Variants in RASGRF1 observed in about 807,000 individuals in gnomAD.
The protein encoded by RASGRF1 is ras-specific guanine nucleotide-releasing factor 1.
RASGRF1 carries 40 observed loss-of-function variants against 138.7 expected under a neutral mutation model. The ratio of observed to expected loss-of-function variants is 0.29; its 90% confidence interval spans 0.22 to 0.38. The LOEUF (loss-of-function observed/expected upper bound fraction) is 0.38, where lower values mean the gene tolerates loss of function less well. Ranked by LOEUF, RASGRF1 falls within the 10% of genes least tolerant of loss-of-function variation. The pLI is 1.00. For synonymous variants in RASGRF1, 614 were observed against 663.2 expected, an observed-to-expected ratio of 0.93 and a Z score of 1.14; for missense variants, 1,108 against 1,650.4, an observed-to-expected ratio of 0.67 and a Z score of 5.69.
At chr15:79,080,667 C>T (rs1439310979) in intron 1 of RASGRF1, among the ~76,000 whole-genome samples, 2 of 151,290 alleles carry the variant, frequency 1.3e-5, no homozygotes, top group African/African-American at 4.9e-5. Context: ...TTGGATTTTC[C>T]AGTTTGAAAA....
At chr15:79,064,705 G>A (rs1323257716) in intron 1 of RASGRF1, 179 bp from the exon 2 acceptor site, 1 of 628,864 alleles carries the variant, frequency 1.6e-6, no homozygotes. Flanking sequence ...CGATTAAAAG[G>A]GCTTTTGTAT....
intron 26 of RASGRF1, among the ~76,000 whole-genome samples, chr15:78,964,569 T>C (rs1197669902): frequency 6.6e-6 from 1 of 152,226 alleles, no homozygotes; most frequent in Admixed American, 6.5e-5. Flanking sequence ...TTCTGAGACT[T>C]TCCAGGGCCC....
chr15:78,993,259 G>GTTGTGT (rs1567468511), intron 20 of RASGRF1, among the ~76,000 whole-genome samples: 1 of 80,486 alleles, frequency 1.2e-5, no homozygotes, highest in African/African-American at 4.9e-5. Context: ...TGGTGTGTGT[G>GTTGTGT]GTGTGGTGTG....
At chr15:78,975,726 C>T (rs940322403) in intron 24 of RASGRF1, among the ~76,000 whole-genome samples, 2 of 152,034 alleles carry the variant, frequency 1.3e-5, no homozygotes, top group Non-Finnish European at 2.9e-5. Context: ...TGCCATGTTG[C>T]CCAGGCTGGT....
At chr15:78,972,561 A>G (rs539064126) in intron 25 of RASGRF1, among the ~76,000 whole-genome samples, 2 of 152,250 alleles carry the variant, frequency 1.3e-5, no homozygotes, top group South Asian at 4.2e-4. Flanking sequence ...GACTCCAGCA[A>G]AAGTTAAAGG....
chr15:78,993,577 G>A (rs373545182), intron 20 of RASGRF1, among the ~76,000 whole-genome samples: 14 of 152,196 alleles, frequency 9.2e-5, no homozygotes, highest in African/African-American at 3.4e-4. Context: ...AACCCAGGCA[G>A]GGGATCCCCT....
At position 78,973,653 on chromosome 15, in the gene RASGRF1, T is replaced by A. The variant is rs2055816872; in HGVS notation, c.3495-233A>T. On this transcript the variant is annotated intron_variant, in intron 24 of 26. Coordinates refer to ENST00000558480, the MANE Select transcript of RASGRF1 (RefSeq NM_001145648.3). This position sits in a 1 kb window ranked among gnomAD's most constrained non-coding sequence, Gnocchi z 4.9. Reference sequence around the variant, plus strand: ...CAACATGGTGCTGACTGGGGCCTCTTACACCCACTGGGGCATCTCAGATTG... The same window carrying A: ...CAACATGGTGCTGACTGGGGCCTCTAACACCCACTGGGGCATCTCAGATTG... 6.6e-6 allele frequency among the ~76,000 whole-genome samples: 1 copy of A among 152,054 alleles called. No individual in the cohort carries two copies. The highest frequency in any genetic ancestry group is 1.5e-5 in the Non-Finnish European group (1 of 67,996).
intron 5 of RASGRF1, among the ~76,000 whole-genome samples, chr15:79,035,786 C>T (rs1376406595): frequency 2.0e-5 from 3 of 152,168 alleles, no homozygotes; most frequent in Admixed American, 6.6e-5. Context: ...TGAGGAATCC[C>T]CTGGAAGCAA....
intron 24 of RASGRF1, chr15:78,978,929 C>G (rs1033926818): frequency 7.8e-7 from 1 of 1,275,272 alleles, no homozygotes; most frequent in Non-Finnish European, 1.0e-6. Flanking sequence ...GACACTTACA[C>G]GGGCCCACAG....
At chr15:78,999,637 C>T in intron 17 of RASGRF1, 106 bp downstream of exon 17, 1 of 1,410,032 alleles carries the variant, frequency 7.1e-7, no homozygotes, top group Non-Finnish European at 9.7e-7. Flanking sequence ...CCTTAGCACA[C>T]CTTAAACACC....
intron 1 of RASGRF1, among the ~76,000 whole-genome samples, chr15:79,068,982 C>A (rs917427179): frequency 1.3e-5 from 2 of 152,070 alleles, no homozygotes; most frequent in Admixed American, 1.3e-4. Context: ...GGACCACAGG[C>A]CTGGCCGGGC....
chr15:79,009,374 G>A (rs888905575), intron 13 of RASGRF1, among the ~76,000 whole-genome samples: 2 of 152,202 alleles, frequency 1.3e-5, no homozygotes, highest in East Asian at 1.9e-4. Context: ...CAGCAACATC[G>A]AGTAAGGGCT....
chr15:78,994,683 G>A (rs926258872), intron 20 of RASGRF1, among the ~76,000 whole-genome samples: 2 of 152,124 alleles, frequency 1.3e-5, no homozygotes, highest in Non-Finnish European at 2.9e-5. Context: ...CCCTTATTCC[G>A]TCTGGAATGC....
intron 1 of RASGRF1, 190 bp from the exon 2 acceptor site, chr15:79,064,716 C>A: frequency 3.3e-6 from 2 of 602,858 alleles, no homozygotes; most frequent in East Asian, 2.8e-5. Flanking sequence ...GCTTTTGTAT[C>A]GTGTAACAGA....
In RASGRF1 at chr15:79,073,431, AT is replaced by A. The variant is rs898270319; in HGVS notation, c.277-8906del. Reference sequence around the variant, plus strand: ...TGAGGCGGGGAGTTTGCCTTAGGAAATAGGAGGAGAGGCAGTTGGTTGGCAG... The same window carrying A: ...TGAGGCGGGGAGTTTGCCTTAGGAAAAGGAGGAGAGGCAGTTGGTTGGCAG... On this transcript the variant is annotated intron_variant, in intron 1 of 26. Transcript: ENST00000558480. The surrounding 1 kb of genome is among the most constrained non-coding windows in gnomAD (Gnocchi z 4.2). 3.0e-4 allele frequency among the ~76,000 whole-genome samples: 46 copies of A among 152,258 alleles called. No homozygotes were observed. The highest frequency in any genetic ancestry group is 1.1e-3 in the African/African-American group (45 of 41,550).
chr15:79,016,649 C>T (rs998287272), intron 12 of RASGRF1, among the ~76,000 whole-genome samples: 1 of 152,188 alleles, frequency 6.6e-6, no homozygotes, highest in Non-Finnish European at 1.5e-5. Flanking sequence ...TTCTCTAGGG[C>T]TTTCTGGGTG....
intron 1 of RASGRF1, among the ~76,000 whole-genome samples, chr15:79,089,574 C>T (rs953239051): frequency 6.6e-6 from 1 of 152,242 alleles, no homozygotes; most frequent in Non-Finnish European, 1.5e-5. Context: ...CTAGCCCCGG[C>T]GCATCAGAGC....
At chr15:79,005,960 A>G (rs1206630381) in intron 14 of RASGRF1, among the ~76,000 whole-genome samples, 2 of 152,072 alleles carry the variant, frequency 1.3e-5, no homozygotes, top group African/African-American at 4.8e-5. Context: ...AGCAGCTGAG[A>G]CTGAGCAGTA....
At chr15:79,054,348 T>C (rs2057480849) in intron 3 of RASGRF1, among the ~76,000 whole-genome samples, 1 of 152,200 alleles carries the variant, frequency 6.6e-6, no homozygotes, top group South Asian at 2.1e-4. Flanking sequence ...TTGAGCTGTT[T>C]TCTGTTTTAA....
Sources: gnomAD v4.1 joint callset for allele counts (sites outside exome capture counted in the v4.1 genomes callset) on GRCh38, gnomAD v4.1.1 for gene constraint, Gnocchi (gnomAD v3.1) non-coding constraint, MANE v1.5 for transcripts, NCBI Gene and HGNC (gene_info 2026-07-23, HGNC 2026-07-21) for gene names.